Variants in ADGRA3 observed in about 807,000 individuals in gnomAD.
ADGRA3 encodes adhesion G protein-coupled receptor A3, also known as G-protein coupled receptor 125.
Under a neutral mutation model 119.8 loss-of-function variants are expected in ADGRA3, and 56 were observed. The ratio of observed to expected loss-of-function variants is 0.47; its 90% CI spans 0.38 to 0.58. The LOEUF (loss-of-function observed/expected upper bound fraction) is 0.58. ADGRA3 is among the 20% of genes least tolerant of loss of function. The pLI is 0.00. For missense variants in ADGRA3, 1,516 were observed against 1,649.0 expected (o/e 0.92, Z 1.40); for synonymous variants, 607 against 623.8 (o/e 0.97, Z 0.40).
chr4:22,463,620 T>C lies in ADGRA3; in HGVS notation c.330-1812A>G, dbSNP rs140864614. ...CAATCACAGGCACATTCAACGTTAC[T>C]GTCCCACCAGCTAATGAAAGTGAAC... is the stretch of plus-strand genomic sequence containing the variant. On this transcript the variant is annotated intron_variant, in intron 2 of 18. Coordinates refer to ENST00000334304, the MANE Select transcript of ADGRA3 (RefSeq NM_145290.4). Among the ~76,000 whole-genome samples the C allele has an allele frequency of 3.3e-3, 500 of 152,332 alleles. 3 individuals carry two copies. The highest frequency in any genetic ancestry group is 0.011 in the African/African-American group (478 of 41,572).
intron 2 of ADGRA3, among the ~76,000 whole-genome samples, chr4:22,462,764 G>T (rs1176742880): frequency 6.6e-6 from 1 of 152,174 alleles, no homozygotes; most frequent in Non-Finnish European, 1.5e-5. Flanking sequence ...ATGCTGGCAC[G>T]TCCATGCAAG....
intron 8 of ADGRA3, 96 bp from the exon 9 acceptor site, chr4:22,436,737 T>C: frequency 9.6e-7 from 1 of 1,044,660 alleles, no homozygotes; most frequent in Admixed American, 2.0e-5. Flanking sequence ...TGAAGATGTG[T>C]CATGTCAATA....
chr4:22,410,757 TTTAA>T (rs1715157437), intron 14 of ADGRA3, among the ~76,000 whole-genome samples: 1 of 152,152 alleles, frequency 6.6e-6, no homozygotes. Context: ...TTTCTTTATG[TTTAA>T]TTAGCAACTA....
At chr4:22,450,241 C>T (rs1371056773) in intron 4 of ADGRA3, among the ~76,000 whole-genome samples, 1 of 151,742 alleles carries the variant, frequency 6.6e-6, no homozygotes, top group African/African-American at 2.4e-5. Context: ...AGGTAAGTTA[C>T]CCACCCACCC....
chr4:22,421,718 A>C (rs2109036460), intron 11 of ADGRA3, among the ~76,000 whole-genome samples: 1 of 152,100 alleles, frequency 6.6e-6, no homozygotes, highest in Non-Finnish European at 1.5e-5. Flanking sequence ...ATCTCTACTA[A>C]AAATACAAAA....
chr4:22,388,797 C>T lies in ADGRA3; in HGVS notation c.2874G>A (p.Glu958=). The part of the protein sequence containing the change: ...RKYELKEPTE[E]QQRLAANENG... ...TTTCATTGGCTGCCAATCTCTGTTG[C>T]TCCTCCGTGGGCTCCTTAAGCTCAT... is the stretch of plus-strand genomic sequence containing the variant. The change falls in exon 19 of 19, where the codon GAG becomes GAA. Residue 958 remains glutamate (E), a synonymous_variant. Transcript: ENST00000334304. 1 of 1,614,078 alleles carries T rather than the reference C, an allele frequency of 6.2e-7. No homozygotes were observed. Among genetic ancestry groups the T allele is most frequent in the Non-Finnish European group, 8.5e-7 (1 of 1,179,990 alleles).
chr4:22,510,154 C>T (rs1415802135), intron 1 of ADGRA3, among the ~76,000 whole-genome samples: 1 of 152,118 alleles, frequency 6.6e-6, no homozygotes, highest in African/African-American at 2.4e-5. Flanking sequence ...CTATCTGGTG[C>T]ACTGACTACA....
chr4:22,432,086 A>G (rs184139770), intron 10 of ADGRA3, among the ~76,000 whole-genome samples: 1 of 152,204 alleles, frequency 6.6e-6, no homozygotes, highest in East Asian at 1.9e-4. Flanking sequence ...ATATTCTCCT[A>G]TCCTTTTGAA....
intron 4 of ADGRA3, among the ~76,000 whole-genome samples, chr4:22,450,336 G>A (rs1461519412): frequency 6.6e-6 from 1 of 151,686 alleles, no homozygotes; most frequent in East Asian, 1.9e-4. Flanking sequence ...GAGTACAGTG[G>A]CTCACTGCAA....
At chr4:22,482,006 G>C (rs1261862758) in intron 1 of ADGRA3, among the ~76,000 whole-genome samples, 1 of 152,078 alleles carries the variant, frequency 6.6e-6, no homozygotes. Context: ...AATCAATTTT[G>C]TCATAAGCAT....
chr4:22,415,472 TA>T (rs1363881908), intron 12 of ADGRA3, among the ~76,000 whole-genome samples: 8 of 152,106 alleles, frequency 5.3e-5, no homozygotes, highest in Non-Finnish European at 1.0e-4. Flanking sequence ...ATGTGAAAAA[TA>T]TTATAAATTT....
At chr4:22,431,313 T>A (rs533354450) in intron 10 of ADGRA3, among the ~76,000 whole-genome samples, 3 of 24,132 alleles carry the variant, frequency 1.2e-4, no homozygotes, top group Non-Finnish European at 2.6e-4. Context: ...TATAACAATA[T>A]TGTACAAGGG....
chr4:22,457,110 ATACC>A (rs1291244657), intron 3 of ADGRA3, among the ~76,000 whole-genome samples: 1 of 152,176 alleles, frequency 6.6e-6, no homozygotes, highest in Non-Finnish European at 1.5e-5. Context: ...CATTACAGCT[ATACC>A]TACTTAAAAT....
intron 4 of ADGRA3, among the ~76,000 whole-genome samples, chr4:22,452,841 C>T (rs1717097317): frequency 6.6e-6 from 1 of 152,018 alleles, no homozygotes; most frequent in Non-Finnish European, 1.5e-5. Context: ...CATAGCTGTC[C>T]AAAAACATAA....
intron 14 of ADGRA3, among the ~76,000 whole-genome samples, chr4:22,411,987 A>C (rs899604701): frequency 1.3e-5 from 2 of 152,142 alleles, no homozygotes; most frequent in African/African-American, 4.8e-5. Context: ...AGTCAAAGAA[A>C]ATTATTTATA....
At chr4:22,494,603 A>T (rs1466353126) in intron 1 of ADGRA3, among the ~76,000 whole-genome samples, 1 of 151,972 alleles carries the variant, frequency 6.6e-6, no homozygotes, top group African/African-American at 2.4e-5. Flanking sequence ...CCTACAATCA[A>T]GAAAACTACT....
At chr4:22,389,574 CA>C (rs1714023463) in intron 17 of ADGRA3, among the ~76,000 whole-genome samples, 1 of 151,664 alleles carries the variant, frequency 6.6e-6, no homozygotes, top group Non-Finnish European at 1.5e-5. Context: ...CCTTAGTTCA[CA>C]CAAGAAATGT....
At chr4:22,455,047 T>A in intron 3 of ADGRA3, 110 bp from the exon 4 acceptor site, 1 of 731,832 alleles carries the variant, frequency 1.4e-6, no homozygotes, top group Admixed American at 2.1e-5. Flanking sequence ...ACCTTTATTC[T>A]AGCAACTTTG....
intron 7 of ADGRA3, among the ~76,000 whole-genome samples, chr4:22,440,943 A>C (rs1214482563): frequency 1.3e-5 from 2 of 152,194 alleles, no homozygotes; most frequent in Non-Finnish European, 2.9e-5. Flanking sequence ...TGAGTAGCTC[A>C]TATTAAATCA....
Sources: allele counts gnomAD v4.1 joint callset (sites outside exome capture counted in the v4.1 genomes callset), GRCh38; gene constraint gnomAD v4.1.1; transcripts MANE v1.5; gene names NCBI Gene and HGNC (gene_info 2026-07-23, HGNC 2026-07-21).